The following LRRC4C variants were observed in gnomAD, a reference collection of about 807,000 sequenced individuals.
LRRC4C encodes the protein leucine-rich repeat-containing protein 4C.
LRRC4C carries 5 observed loss-of-function variants against 33.6 expected under a neutral mutation model. The observed-to-expected ratio is 0.15, with a 90% CI of 0.08 to 0.31. LRRC4C has a LOEUF of 0.31. Among genes scored for constraint, LRRC4C ranks in the 10% least tolerant of loss-of-function variants. The pLI is 1.00. For missense variants in LRRC4C, 560 were observed against 796.7 expected (o/e 0.70, Z 3.58); for synonymous variants, 329 against 302.0 (o/e 1.09, Z -0.93).
intron 3 of LRRC4C, among the ~76,000 whole-genome samples, chr11:40,399,542 A>T (rs865958690): frequency 3.4e-5 from 5 of 148,842 alleles, no homozygotes; most frequent in African/African-American, 4.9e-5. Flanking sequence ...GTGGGGTGGG[A>T]GGAGGGGGGA....
chr11:40,303,879 C>A (rs945569571), intron 4 of LRRC4C, among the ~76,000 whole-genome samples: 1 of 152,104 alleles, frequency 6.6e-6, no homozygotes, highest in African/African-American at 2.4e-5. Flanking sequence ...TCAGGTAGAT[C>A]AACAGAGCAA....
chr11:40,615,141 A>T (rs951326643), intron 3 of LRRC4C, among the ~76,000 whole-genome samples: 3 of 151,012 alleles, frequency 2.0e-5, no homozygotes, highest in Non-Finnish European at 3.0e-5. Flanking sequence ...ACTATATTAT[A>T]GCTGATAATG....
chr11:40,173,054 A>C (rs1231146899), intron 5 of LRRC4C, among the ~76,000 whole-genome samples: 2 of 152,206 alleles, frequency 1.3e-5, no homozygotes, highest in African/African-American at 4.8e-5. Context: ...ATAATTGGCC[A>C]AGGACTGCCA....
At chr11:40,672,126 C>G (rs933441063) in intron 2 of LRRC4C, among the ~76,000 whole-genome samples, 3 of 152,164 alleles carry the variant, frequency 2.0e-5, no homozygotes, top group Non-Finnish European at 4.4e-5. Context: ...TGATTTCTCA[C>G]AGTTCTGTAG....
At chr11:40,863,316 T>C (rs1161672997) in intron 2 of LRRC4C, among the ~76,000 whole-genome samples, 1 of 152,178 alleles carries the variant, frequency 6.6e-6, no homozygotes, top group Non-Finnish European at 1.5e-5. Context: ...CATAAAATTT[T>C]CCAAGAAAAT....
Position 40,718,541 on chromosome 11 carries a change from G to A in LRRC4C, c.-406-70263C>T, listed in dbSNP as rs572875037. On this transcript the variant is annotated intron_variant, in intron 2 of 6. Transcript: ENST00000528697. ...AGGTATAATGATTACAAAGATTAGA[G>A]GACACTTAGGTCACCTGCCAGTTAT... Among the ~76,000 whole-genome samples, 11 of 152,226 alleles carry A rather than the reference G, an allele frequency of 7.2e-5. No homozygotes were observed. The South Asian group carries it at 1.2e-3, about 17-fold the overall frequency.
chr11:40,938,484 T>C (rs1195862887), intron 1 of LRRC4C, among the ~76,000 whole-genome samples: 1 of 152,142 alleles, frequency 6.6e-6, no homozygotes, highest in Non-Finnish European at 1.5e-5. Context: ...GTTGAACACA[T>C]ACTATGTGTC....
intron 3 of LRRC4C, among the ~76,000 whole-genome samples, chr11:40,496,246 A>G (rs371609578): frequency 8.9e-5 from 13 of 146,466 alleles, no homozygotes; most frequent in African/African-American, 2.2e-4. Context: ...ACTCAGCTCT[A>G]TGGACATGGC....
At chr11:40,982,153 A>G (rs912908983) in intron 1 of LRRC4C, among the ~76,000 whole-genome samples, 2 of 152,244 alleles carry the variant, frequency 1.3e-5, no homozygotes, top group African/African-American at 4.8e-5. Context: ...AACAGCTAAG[A>G]AATGGCAGAT....
intron 2 of LRRC4C, among the ~76,000 whole-genome samples, chr11:40,872,365 A>G (rs369089194): frequency 1.3e-5 from 2 of 152,120 alleles, no homozygotes; most frequent in South Asian, 2.1e-4. Context: ...TAATTCTATA[A>G]TTGGGAGAAC....
At chr11:41,033,901 A>C (rs1011767605) in intron 1 of LRRC4C, among the ~76,000 whole-genome samples, 11 of 152,174 alleles carry the variant, frequency 7.2e-5, no homozygotes, top group Non-Finnish European at 1.3e-4. Flanking sequence ...TAAATGAGAA[A>C]AATTTAACCT....
chr11:41,111,251 AC>A (rs1380026226), intron 1 of LRRC4C, among the ~76,000 whole-genome samples: 1 of 152,096 alleles, frequency 6.6e-6, no homozygotes, highest in Admixed American at 6.6e-5. Flanking sequence ...CATACTCTTT[AC>A]AACTTCTTGA....
intron 5 of LRRC4C, among the ~76,000 whole-genome samples, chr11:40,185,884 C>T (rs1554967331): frequency 6.6e-6 from 1 of 152,072 alleles, no homozygotes. Context: ...CCCTGTCCCT[C>T]CCCCTTCCCG....
chr11:40,329,692 A>G (rs1450700193), intron 3 of LRRC4C, among the ~76,000 whole-genome samples: 1 of 151,032 alleles, frequency 6.6e-6, no homozygotes, highest in Non-Finnish European at 1.5e-5. Flanking sequence ...GTATTCAAGT[A>G]TTGATTGCAT....
chr11:41,005,623 A>C (rs1854692049), intron 1 of LRRC4C, among the ~76,000 whole-genome samples: 1 of 151,906 alleles, frequency 6.6e-6, no homozygotes, highest in East Asian at 1.9e-4. Context: ...AATAAAAATA[A>C]AAAAAGCTGC....
At chr11:40,343,342 C>CATATAT (rs35866050) in intron 3 of LRRC4C, among the ~76,000 whole-genome samples, 13 of 150,518 alleles carry the variant, frequency 8.6e-5, no homozygotes, top group African/African-American at 3.2e-4. Context: ...CTAAAACTTA[C>CATATAT]ATATATATAT....
chr11:41,257,521 T>C (rs900029238), intron 1 of LRRC4C, among the ~76,000 whole-genome samples: 91 of 152,050 alleles, frequency 6.0e-4, no homozygotes, highest in African/African-American at 2.2e-3. Context: ...TTATTTTCAC[T>C]AGGTCTGAAG....
intron 1 of LRRC4C, among the ~76,000 whole-genome samples, chr11:41,277,287 T>C (rs9971441): frequency 0.62 from 94,666 of 152,002 alleles, 30,431 homozygotes; most frequent in African/African-American, 0.78. Context: ...CTCATTCAGG[T>C]GAATTTTCCA....
chr11:40,566,302 C>A (rs1220666088), intron 3 of LRRC4C, among the ~76,000 whole-genome samples: 3 of 151,716 alleles, frequency 2.0e-5, no homozygotes, highest in African/African-American at 7.3e-5. Context: ...AAAACTTCAG[C>A]AAAATTGCAA....
Sources: gnomAD v4.1 joint callset for allele counts (sites outside exome capture counted in the v4.1 genomes callset) on GRCh38, gnomAD v4.1.1 for gene constraint, MANE v1.5 for transcripts, NCBI Gene and HGNC (gene_info 2026-07-23, HGNC 2026-07-21) for gene names.